Variants in NRG3 observed in about 807,000 individuals in gnomAD.
The protein encoded by NRG3 is pro-neuregulin-3, membrane-bound isoform.
A neutral mutation model predicts 66.9 loss-of-function variants in NRG3; 31 were observed. The ratio of observed to expected loss-of-function variants is 0.46; its 90% CI spans 0.35 to 0.63. NRG3 has a LOEUF of 0.63. Ranked by LOEUF, NRG3 falls within the 20% of genes least tolerant of loss-of-function variation. The pLI is 0.00. For synonymous variants in NRG3, 393 were observed against 359.4 expected, an observed-to-expected ratio of 1.09 and a Z score of -1.06; for missense variants, 910 against 878.9, an observed-to-expected ratio of 1.04 and a Z score of -0.45.
At chr10:82,571,028 G>A (rs534569535) in intron 2 of NRG3, among the ~76,000 whole-genome samples, 8 of 151,400 alleles carry the variant, frequency 5.3e-5, no homozygotes, top group Admixed American at 3.3e-4. Flanking sequence ...TTTTGTTGTA[G>A]CTTGATTATT....
chr10:82,477,172 C>CT (rs1841861363), intron 2 of NRG3, among the ~76,000 whole-genome samples: 1 of 151,946 alleles, frequency 6.6e-6, no homozygotes, highest in Admixed American at 6.6e-5. Context: ...GGCAAAGATC[C>CT]CCAGAATGCA....
chr10:82,893,822 C>A (rs1422607246), intron 4 of NRG3, among the ~76,000 whole-genome samples: 1 of 151,684 alleles, frequency 6.6e-6, no homozygotes, highest in Non-Finnish European at 1.5e-5. Context: ...GTGTAATAAA[C>A]CAAAAATTCC....
intron 2 of NRG3, among the ~76,000 whole-genome samples, chr10:82,486,330 A>G (rs1002020961): frequency 3.3e-5 from 5 of 152,234 alleles, no homozygotes; most frequent in South Asian, 2.1e-4. Context: ...TCAATGAAGC[A>G]TTATTCATAG....
chr10:82,884,618 T>C (rs926482540), intron 4 of NRG3, among the ~76,000 whole-genome samples: 8 of 152,200 alleles, frequency 5.3e-5, no homozygotes, highest in South Asian at 2.1e-4. Flanking sequence ...ATTAAAACAA[T>C]GTGACATTAT....
rs549620134 is a variant in NRG3 at position 82,134,901 on chromosome 10, T to C, written c.824-223838T>C. ...ACTTTGGGAGGCTGAGGCAGGCAGA[T>C]CACCTGAGGTCAGGAGTTCAAGACC... On this transcript the variant is annotated intron_variant, in intron 1 of 8. Transcript: ENST00000372141. Among the ~76,000 whole-genome samples, 4 of 152,234 alleles carry C rather than the reference T, an allele frequency of 2.6e-5. No individual in the cohort carries two copies. In the East Asian group the frequency reaches 7.8e-4, roughly 30 times the overall value.
chr10:82,524,338 A>C (rs1341870078), intron 2 of NRG3, among the ~76,000 whole-genome samples: 2 of 152,024 alleles, frequency 1.3e-5, no homozygotes, highest in African/African-American at 4.8e-5. Flanking sequence ...TTATGTAAAA[A>C]TATATACCAT....
intron 1 of NRG3, among the ~76,000 whole-genome samples, chr10:82,101,724 T>C (rs2066731991): frequency 6.6e-6 from 1 of 151,612 alleles, no homozygotes; most frequent in Non-Finnish European, 1.5e-5. Context: ...TTAAATTTGC[T>C]AAGGGTTGTT....
intron 1 of NRG3, among the ~76,000 whole-genome samples, chr10:82,201,958 C>G (rs1041195396): frequency 6.6e-6 from 1 of 151,702 alleles, no homozygotes; most frequent in Non-Finnish European, 1.5e-5. Flanking sequence ...AGTTTAGATA[C>G]GAAGACAATT....
At chr10:82,619,277 A>G (rs534283312) in intron 2 of NRG3, among the ~76,000 whole-genome samples, 1 of 152,316 alleles carries the variant, frequency 6.6e-6, no homozygotes, top group South Asian at 2.1e-4. Context: ...TTATGTGAAT[A>G]TGGGGCAGGG....
chr10:82,572,372 C>T (rs1006450865), intron 2 of NRG3, among the ~76,000 whole-genome samples: 6 of 151,568 alleles, frequency 4.0e-5, no homozygotes, highest in African/African-American at 1.5e-4. Context: ...CATTATTCTA[C>T]ATTAACAGTT....
At chr10:82,949,823 C>G (rs1295898148) in intron 4 of NRG3, among the ~76,000 whole-genome samples, 1 of 151,930 alleles carries the variant, frequency 6.6e-6, no homozygotes, top group African/African-American at 2.4e-5. Context: ...CCACTGCACT[C>G]CAGCCTGGGT....
intron 1 of NRG3, among the ~76,000 whole-genome samples, chr10:81,884,991 A>T (rs543405166): frequency 6.6e-6 from 1 of 152,180 alleles, no homozygotes; most frequent in Non-Finnish European, 1.5e-5. Context: ...TTATATTGTT[A>T]ACTAAGTACT....
chr10:81,887,184 G>C (rs1184679006), intron 1 of NRG3, among the ~76,000 whole-genome samples: 3 of 152,126 alleles, frequency 2.0e-5, no homozygotes, highest in Non-Finnish European at 4.4e-5. Flanking sequence ...GGTTGCTGCT[G>C]TGAAATGCAG....
At chr10:82,894,408 G>T (rs1843452658) in intron 4 of NRG3, among the ~76,000 whole-genome samples, 1 of 152,032 alleles carries the variant, frequency 6.6e-6, no homozygotes, top group African/African-American at 2.4e-5. Flanking sequence ...TTAAATCAGT[G>T]GGGACCAATA....
chr10:82,956,422 G>A (rs1850057869), intron 5 of NRG3, among the ~76,000 whole-genome samples: 1 of 151,884 alleles, frequency 6.6e-6, no homozygotes, highest in Non-Finnish European at 1.5e-5. Flanking sequence ...AAAAGTGTGT[G>A]CTTGTGAGAG....
intron 2 of NRG3, among the ~76,000 whole-genome samples, chr10:82,508,651 C>A (rs889573462): frequency 6.6e-6 from 1 of 152,186 alleles, no homozygotes; most frequent in South Asian, 2.1e-4. Context: ...CCACTTCTTC[C>A]TTAAATTTTC....
chr10:82,633,270 G>A (rs12415032), intron 2 of NRG3, among the ~76,000 whole-genome samples: 29,671 of 152,058 alleles, frequency 0.2, 3,588 homozygotes, highest in African/African-American at 0.33. Context: ...CCTGGCATAG[G>A]AAAATAGAAT....
At chr10:82,565,067 C>T (rs118057782) in intron 2 of NRG3, among the ~76,000 whole-genome samples, 2,774 of 152,032 alleles carry the variant, frequency 0.018, 32 homozygotes, top group Middle Eastern at 0.068. Flanking sequence ...CATAAGGATA[C>T]GAAGTGGAAG....
At position 82,069,730 on chromosome 10, in the gene NRG3, C is replaced by A. The variant is rs540711529; in HGVS notation, c.823+193567C>A. ...AACATATAAAACCTATATCAAAAAT[C>A]ATCTAATAGTGATAGATAGAGAAGT... On this transcript the variant is annotated intron_variant, in intron 1 of 8. Transcript: ENST00000372141. Among the ~76,000 whole-genome samples the A allele has an allele frequency of 9.2e-5, 14 of 152,302 alleles. No individual in the cohort carries two copies. The South Asian group carries it at 2.7e-3, about 29-fold the overall frequency.
Sources: gnomAD v4.1 joint callset for allele counts (sites outside exome capture counted in the v4.1 genomes callset) on GRCh38, gnomAD v4.1.1 for gene constraint, MANE v1.5 for transcripts, NCBI Gene and HGNC (gene_info 2026-07-23, HGNC 2026-07-21) for gene names.